CAGE1: variants seen among roughly 807,000 people sequenced by gnomAD.
CAGE1 encodes cancer antigen 1, also known as cancer-associated gene 1 protein.
A neutral mutation model predicts 94.9 loss-of-function variants in CAGE1; 66 were observed. The ratio of observed to expected loss-of-function variants is 0.70; its 90% CI spans 0.57 to 0.85. The LOEUF (loss-of-function observed/expected upper bound fraction) is 0.85. Ranked by LOEUF, CAGE1 falls within the 40% of genes least tolerant of loss-of-function variation. CAGE1 has a pLI of 0.00. For missense variants in CAGE1, 865 were observed against 950.4 expected (o/e 0.91, Z 1.18); for synonymous variants, 319 against 321.0 (o/e 0.99, Z 0.07).
intron 11 of CAGE1, among the ~76,000 whole-genome samples, chr6:7,338,466 T>G (rs1249289412): frequency 6.6e-6 from 1 of 152,218 alleles, no homozygotes; most frequent in East Asian, 1.9e-4. Flanking sequence ...TGTTGGATTT[T>G]GTCAAACGGT....
At position 7,370,055 on chromosome 6, in the gene CAGE1, G is replaced by A. The variant is rs767515041; in HGVS notation, c.1757C>T (p.Thr586Met). 8 of 1,602,266 alleles carry A rather than the reference G, an allele frequency of 5.0e-6. No individual in the cohort carries two copies. Among genetic ancestry groups the A allele is most frequent in the South Asian group, 2.3e-5 (2 of 88,566 alleles). ...ATCCGGGAGCAGATTAGAATGTGTC[G>A]TTTTTGTATCCTACATGCACGTAAT... ...LKSDITKDTKTTHSNLLPDCS... is the reference protein window; with the variant it reads ...LKSDITKDTKMTHSNLLPDCS... Residue 586 changes from threonine (T) to methionine (M), a missense_variant, in exon 6 of 14, where the codon ACG becomes ATG. Coordinates refer to ENST00000502583, the MANE Select transcript of CAGE1 (RefSeq NM_001170692.2).
At chr6:7,330,175 G>A (rs918914649) in intron 12 of CAGE1, among the ~76,000 whole-genome samples, 2 of 152,110 alleles carry the variant, frequency 1.3e-5, no homozygotes, top group Non-Finnish European at 2.9e-5. Context: ...ATCACTTGAG[G>A]TCAGGAGTTC....
At chr6:7,344,967 C>T (rs1385164037) in intron 11 of CAGE1, among the ~76,000 whole-genome samples, 2 of 152,202 alleles carry the variant, frequency 1.3e-5, no homozygotes, top group Admixed American at 1.3e-4. Flanking sequence ...CCTGTCAAAA[C>T]AGGCCACTCG....
chr6:7,360,124 C>CCTCTACA (rs1760118279), intron 9 of CAGE1, among the ~76,000 whole-genome samples: 1 of 152,196 alleles, frequency 6.6e-6, no homozygotes, highest in Non-Finnish European at 1.5e-5. Flanking sequence ...TCTGACATGT[C>CCTCTACA]TGGGAAAGGT....
At chr6:7,360,261 G>C (rs1337761741) in intron 9 of CAGE1, among the ~76,000 whole-genome samples, 8 of 152,156 alleles carry the variant, frequency 5.3e-5, no homozygotes, top group Admixed American at 5.2e-4. Flanking sequence ...CTGGGGACTA[G>C]GGTGTGGGAA....
chr6:7,381,625 T>C, intron 3 of CAGE1, among the ~76,000 whole-genome samples: 1 of 149,636 alleles, frequency 6.7e-6, no homozygotes, highest in Non-Finnish European at 1.5e-5. Context: ...ACCTCCTGGG[T>C]TCAAGCAATT....
At chr6:7,367,150 T>C (rs1316513312) in intron 7 of CAGE1, among the ~76,000 whole-genome samples, 1 of 152,106 alleles carries the variant, frequency 6.6e-6, no homozygotes, top group Non-Finnish European at 1.5e-5. Context: ...CCTCAATCAC[T>C]GCCCTCTTCC....
intron 1 of CAGE1, 23 bp from the exon 2 acceptor site, chr6:7,387,219 TTAG>T: frequency 7.0e-7 from 1 of 1,436,406 alleles, no homozygotes; most frequent in Non-Finnish European, 9.5e-7. Context: ...AATGTGTCTA[TTAG>T]TAGGTATAAA....
intron 13 of CAGE1, among the ~76,000 whole-genome samples, chr6:7,329,604 C>T (rs182344435): frequency 1.1e-4 from 17 of 152,200 alleles, no homozygotes; most frequent in African/African-American, 2.6e-4. Flanking sequence ...ATATGAGAAA[C>T]GACAGGGGCT....
At chr6:7,348,503 A>G (rs1759649449) in intron 11 of CAGE1, among the ~76,000 whole-genome samples, 1 of 152,160 alleles carries the variant, frequency 6.6e-6, no homozygotes, top group Non-Finnish European at 1.5e-5. Flanking sequence ...ATGACAAAAC[A>G]AGGCTCTTTA....
At chr6:7,346,484 G>A (rs1030760694) in intron 11 of CAGE1, among the ~76,000 whole-genome samples, 1 of 152,098 alleles carries the variant, frequency 6.6e-6, no homozygotes, top group Non-Finnish European at 1.5e-5. Flanking sequence ...AGGAGATGGA[G>A]ATTGCAGTGA....
intron 11 of CAGE1, chr6:7,347,222 A>G (rs1430415617): frequency 6.6e-6 from 1 of 152,212 alleles, no homozygotes; most frequent in Non-Finnish European, 1.5e-5. Context: ...CCTCTGAAGG[A>G]AGCGGACTGC....
intron 10 of CAGE1, 65 bp downstream of exon 10, chr6:7,355,960 G>A (rs185944390): frequency 2.2e-6 from 2 of 905,842 alleles, no homozygotes; most frequent in African/African-American, 3.3e-5. Context: ...GCACTGCACT[G>A]TACTTCGGCC....
chr6:7,388,365 T>C (rs12527018), intron 1 of CAGE1, among the ~76,000 whole-genome samples: 33,770 of 152,098 alleles, frequency 0.22, 3,847 homozygotes, highest in Non-Finnish European at 0.25. Context: ...TACCCATTCA[T>C]CTATTTTCAA....
chr6:7,378,466 T>C lies in CAGE1; in HGVS notation c.687+151A>G, dbSNP rs181934394. On this transcript the variant is annotated intron_variant, in intron 4 of 13. Coordinates refer to ENST00000502583, the MANE Select transcript of CAGE1 (RefSeq NM_001170692.2). ...AAGTCTCAGATTATATATATATATA[T>C]ACAATTTTTAAAATGCATCCTTTAA... 33 of 494,014 alleles carry C rather than the reference T, an allele frequency of 6.7e-5. No individual in the cohort carries two copies. In the East Asian group the frequency reaches 9.5e-4, roughly 14 times the overall value. The allele number at this position is 494,014 out of a possible 1,614,324, so 30.6% of individuals were successfully genotyped here. A position where few individuals can be genotyped will look rare whatever the true frequency, so the allele number is the denominator to read the frequency against.
At chr6:7,360,316 G>A (rs1760124844) in intron 9 of CAGE1, among the ~76,000 whole-genome samples, 4 of 152,124 alleles carry the variant, frequency 2.6e-5, no homozygotes, top group Admixed American at 2.6e-4. Flanking sequence ...CTGTTATGAG[G>A]GTTACTGAGG....
rs920660786 is a variant in CAGE1 at position 7,341,553 on chromosome 6, C to A, written c.2370-7463G>T. On this transcript the variant is annotated intron_variant, in intron 11 of 13. Coordinates refer to ENST00000502583, the MANE Select transcript of CAGE1 (RefSeq NM_001170692.2). ...GGTTGATTAGCACAAGGCCTCGGACCTTTTTCCTCTCAGGCCTAGCTTTAA... is the reference window on the plus strand; with the variant it reads ...GGTTGATTAGCACAAGGCCTCGGACATTTTTCCTCTCAGGCCTAGCTTTAA... 164 of 1,217,264 alleles carry A rather than the reference C, an allele frequency of 1.3e-4. 2 individuals carry two copies. In the Admixed American group the frequency reaches 2.8e-3, roughly 21 times the overall value. 75.4% of individuals were successfully genotyped at this position (1,217,264 alleles called of 1,614,324 possible). A position where few individuals can be genotyped will look rare whatever the true frequency, so the allele number is the denominator to read the frequency against.
chr6:7,369,103 G>A (rs1246869265), intron 6 of CAGE1, among the ~76,000 whole-genome samples: 2 of 151,442 alleles, frequency 1.3e-5, no homozygotes, highest in African/African-American at 2.4e-5. Context: ...CTCCCCCCAG[G>A]TTCAAGCTAT....
At position 7,389,717 on chromosome 6, in the gene CAGE1, A is replaced by G. The variant is rs1761272263; in HGVS notation, c.-539T>C. On this transcript the variant is annotated 5_prime_UTR_variant, in exon 1 of 14. Transcript: ENST00000502583. ...GAGAGCACAGAACATCCACAGCCCT[A>G]TACAGCGCGCCATCCAGAGAGCTCC... 3.7e-6 allele frequency: 2 copies of G among 544,318 alleles called. No homozygotes were observed. 33.7% of individuals were successfully genotyped at this position (544,318 alleles called of 1,614,324 possible). A position where few individuals can be genotyped will look rare whatever the true frequency, so the allele number is the denominator to read the frequency against.
Sources: allele counts gnomAD v4.1 joint callset (sites outside exome capture counted in the v4.1 genomes callset), GRCh38; gene constraint gnomAD v4.1.1; transcripts MANE v1.5; gene names NCBI Gene and HGNC (gene_info 2026-07-23, HGNC 2026-07-21).